MAGI2: variants seen among roughly 807,000 people sequenced by gnomAD.
MAGI2 encodes membrane associated guanylate kinase, WW and PDZ domain containing 2.
MAGI2 carries 35 observed loss-of-function variants against 133.3 expected under a neutral mutation model. The ratio of observed to expected loss-of-function variants is 0.26; its 90% confidence interval spans 0.20 to 0.35. The LOEUF is 0.35. MAGI2 is among the 10% of genes least tolerant of loss of function. The pLI, the probability that MAGI2 is intolerant of heterozygous loss-of-function variation, is 1.00. For missense variants in MAGI2, 1,636 were observed against 1,863.4 expected, an observed-to-expected ratio of 0.88 and a Z score of 2.25; for synonymous variants, 729 against 710.6, an observed-to-expected ratio of 1.03 and a Z score of -0.41.
At position 78,596,775 on chromosome 7, in the gene MAGI2, T is replaced by C. The variant is rs150907140; in HGVS notation, c.538+30345A>G. Among the ~76,000 whole-genome samples the C allele has an allele frequency of 1.4e-4, 22 of 152,358 alleles. 1 individual carries two copies. The East Asian group carries it at 4.2e-3, about 29-fold the overall frequency. On this transcript the variant is annotated intron_variant, in intron 3 of 21. Transcript: ENST00000354212. Reference sequence around the variant, plus strand: ...TACTTACCAATTACTTCCAGAGTCCTGATTGTCATCCAAATGTCATCAAGA... The same window carrying C: ...TACTTACCAATTACTTCCAGAGTCCCGATTGTCATCCAAATGTCATCAAGA...
chr7:78,996,277 G>A (rs1392898207), intron 2 of MAGI2, among the ~76,000 whole-genome samples: 3 of 152,184 alleles, frequency 2.0e-5, no homozygotes, highest in Non-Finnish European at 4.4e-5. Context: ...GTTGTAAGAT[G>A]TATGTCACCT....
At chr7:78,036,343 A>G (rs1433553632) in intron 21 of MAGI2, among the ~76,000 whole-genome samples, 2 of 152,164 alleles carry the variant, frequency 1.3e-5, no homozygotes, top group African/African-American at 4.8e-5. Context: ...AATTATGCAA[A>G]TTTTCATAAA....
intron 21 of MAGI2, among the ~76,000 whole-genome samples, chr7:78,046,879 A>G (rs1446506324): frequency 1.3e-5 from 2 of 152,222 alleles, no homozygotes; most frequent in African/African-American, 4.8e-5. Context: ...ATGCGAATAA[A>G]ATGTTCTTCC....
At chr7:78,914,269 C>A (rs1798622406) in intron 2 of MAGI2, among the ~76,000 whole-genome samples, 1 of 151,990 alleles carries the variant, frequency 6.6e-6, no homozygotes, top group Non-Finnish European at 1.5e-5. Context: ...AACATTGTGA[C>A]CATTCTCATT....
At chr7:78,303,851 T>C (rs1798046624) in intron 9 of MAGI2, among the ~76,000 whole-genome samples, 1 of 152,174 alleles carries the variant, frequency 6.6e-6, no homozygotes, top group Non-Finnish European at 1.5e-5. Context: ...GACCTTTCTC[T>C]CACAATTCAG....
At chr7:78,527,335 C>A (rs762474528) in intron 3 of MAGI2, among the ~76,000 whole-genome samples, 14 of 152,120 alleles carry the variant, frequency 9.2e-5, no homozygotes, top group Non-Finnish European at 2.1e-4. Flanking sequence ...TGGAATTATT[C>A]TTCTGCTTTC....
chr7:78,604,092 G>C (rs1472377744), intron 3 of MAGI2, among the ~76,000 whole-genome samples: 2 of 152,182 alleles, frequency 1.3e-5, no homozygotes, highest in Non-Finnish European at 2.9e-5. Context: ...TTCCCTGGCA[G>C]CACTGAAGAC....
intron 2 of MAGI2, among the ~76,000 whole-genome samples, chr7:78,974,350 T>C (rs1181611590): frequency 6.6e-6 from 1 of 151,880 alleles, no homozygotes; most frequent in African/African-American, 2.4e-5. Context: ...AGCTCTAATG[T>C]CTGACTTCTT....
intron 16 of MAGI2, among the ~76,000 whole-genome samples, chr7:78,152,484 T>C (rs1823980596): frequency 6.6e-6 from 1 of 152,222 alleles, no homozygotes; most frequent in Non-Finnish European, 1.5e-5. Context: ...AAGTGTGGTC[T>C]TTCTTGATGT....
At chr7:78,430,765 G>T (rs368188113) in intron 6 of MAGI2, among the ~76,000 whole-genome samples, 1 of 151,954 alleles carries the variant, frequency 6.6e-6, no homozygotes, top group Middle Eastern at 3.2e-3. Context: ...AGTCCTTTAC[G>T]TCTTGAAATC....
intron 16 of MAGI2, among the ~76,000 whole-genome samples, chr7:78,137,008 C>A (rs1421713124): frequency 1.3e-5 from 2 of 151,604 alleles, no homozygotes; most frequent in African/African-American, 4.8e-5. Flanking sequence ...ATTAAGAACA[C>A]CTTACATAGA....
intron 20 of MAGI2, among the ~76,000 whole-genome samples, chr7:78,094,755 C>T (rs778595607): frequency 1.3e-5 from 2 of 152,210 alleles, no homozygotes; most frequent in African/African-American, 2.4e-5. Context: ...TTGACTCCTG[C>T]CCTTTTCCCA....
chr7:78,866,855 A>T (rs1305184832), intron 2 of MAGI2, among the ~76,000 whole-genome samples: 1 of 152,188 alleles, frequency 6.6e-6, no homozygotes, highest in Non-Finnish European at 1.5e-5. Flanking sequence ...AAAGATCAGA[A>T]CAACCCCATC....
intron 1 of MAGI2, among the ~76,000 whole-genome samples, chr7:79,314,249 T>C (rs1004714429): frequency 2.0e-5 from 3 of 151,536 alleles, no homozygotes; most frequent in African/African-American, 7.3e-5. Flanking sequence ...GCTGGGATTA[T>C]GGGCATGAGC....
intron 1 of MAGI2, among the ~76,000 whole-genome samples, chr7:79,362,936 G>A (rs1842454185): frequency 6.6e-6 from 1 of 151,806 alleles, no homozygotes; most frequent in East Asian, 2.0e-4. Flanking sequence ...TATAGTACTG[G>A]CAATTCTAGC....
chr7:78,600,195 CT>C lies in MAGI2; in HGVS notation c.538+26924del, dbSNP rs541590952. Among the ~76,000 whole-genome samples, 267 of 152,182 alleles carry C rather than the reference CT, an allele frequency of 1.8e-3. 2 individuals carry two copies. Among genetic ancestry groups the C allele is most frequent in the African/African-American group, 6.2e-3 (258 of 41,532 alleles). On this transcript the variant is annotated intron_variant, in intron 3 of 21. Transcript: ENST00000354212. ...AAAGAATTAAACACATTTTTATCCC[CT>C]CTCCTGTCTCCAAAGCCCTACTAAA...
chr7:79,363,360 C>T (rs56046659), intron 1 of MAGI2, among the ~76,000 whole-genome samples: 3,198 of 147,502 alleles, frequency 0.022, 100 homozygotes, highest in African/African-American at 0.076. Context: ...AAGAGAGAGA[C>T]ATACTCTGTT....
chr7:78,685,995 G>T, intron 2 of MAGI2, among the ~76,000 whole-genome samples: 1 of 130,316 alleles, frequency 7.7e-6, no homozygotes, highest in Admixed American at 8.5e-5. Flanking sequence ...TTTGTCAATA[G>T]CATGCTTTTA....
chr7:78,117,944 C>A (rs1820041207), intron 20 of MAGI2, among the ~76,000 whole-genome samples: 1 of 152,106 alleles, frequency 6.6e-6, no homozygotes, highest in African/African-American at 2.4e-5. Flanking sequence ...ACACTACTTA[C>A]CTTCAAGACT....
Sources: allele counts gnomAD v4.1 joint callset (sites outside exome capture counted in the v4.1 genomes callset), GRCh38; gene constraint gnomAD v4.1.1; transcripts MANE v1.5; gene names NCBI Gene and HGNC (gene_info 2026-07-23, HGNC 2026-07-21).